PATJ: variants seen among roughly 807,000 people sequenced by gnomAD.
PATJ encodes the protein inaD-like protein.
In PATJ, 190 loss-of-function variants were observed where a neutral mutation model predicts 224.9. The ratio of observed to expected loss-of-function variants is 0.84; its 90% CI spans 0.75 to 0.95. PATJ has a LOEUF of 0.95. Among genes scored for constraint, PATJ ranks in the 40% least tolerant of loss-of-function variants. PATJ has a pLI of 0.00. For synonymous variants in PATJ, 769 were observed against 820.3 expected (o/e 0.94, Z 1.07); for missense variants, 2,121 against 2,270.3 (o/e 0.93, Z 1.34).
chr1:61,984,963 A>T (rs189678248), intron 27 of PATJ, among the ~76,000 whole-genome samples: 2 of 151,408 alleles, frequency 1.3e-5, no homozygotes, highest in Admixed American at 1.3e-4. Flanking sequence ...ATAGTAATTC[A>T]TTGAATAAGC....
intron 28 of PATJ, among the ~76,000 whole-genome samples, chr1:62,009,132 G>T (rs1471149000): frequency 1.3e-5 from 2 of 152,188 alleles, no homozygotes; most frequent in East Asian, 1.9e-4. Context: ...GGTCATGAAA[G>T]GTGGGGAGCA....
rs148484972 is a variant in PATJ at position 61,875,320 on chromosome 1, C to T, written c.2913C>T (p.Asp971=). The T allele has an allele frequency of 2.5e-5, 41 of 1,610,834 alleles. No individual in the cohort carries two copies. The highest frequency in any genetic ancestry group is 1.2e-4 in the African/African-American group (9 of 74,796). The change falls in exon 21 of 44, where the codon GAC becomes GAT. Residue 971 remains aspartate (D), a synonymous_variant. Transcript: ENST00000642238. ...GAAACAGTCAACAAGGCAGATTTGA[C>T]GACCTGGAAAATCTTAATTCATTAG... ...TEGNSQQGRF[D]DLENLNSLAK...
chr1:61,960,883 T>G (rs891473646), intron 27 of PATJ, among the ~76,000 whole-genome samples: 1 of 152,142 alleles, frequency 6.6e-6, no homozygotes, highest in African/African-American at 2.4e-5. Context: ...TCTAGACAGT[T>G]ATATCTTCTT....
intron 33 of PATJ, among the ~76,000 whole-genome samples, chr1:62,103,317 A>G (rs1480629087): frequency 1.4e-4 from 21 of 152,214 alleles, no homozygotes; most frequent in Admixed American, 1.4e-3. Flanking sequence ...AACCCTTATG[A>G]GCTTTCGTTT....
At chr1:61,817,458 G>A (rs570934013) in intron 14 of PATJ, among the ~76,000 whole-genome samples, 1 of 152,254 alleles carries the variant, frequency 6.6e-6, no homozygotes, top group South Asian at 2.1e-4. Flanking sequence ...GAGGTCAGGG[G>A]TTCAAGACCA....
intron 29 of PATJ, among the ~76,000 whole-genome samples, chr1:62,034,421 CGA>C (rs892019590): frequency 2.5e-5 from 3 of 121,322 alleles, no homozygotes; most frequent in Non-Finnish European, 3.2e-5. Flanking sequence ...CCAGCCTGGG[CGA>C]GAGAGAGAGA....
intron 3 of PATJ, 67 bp from the exon 4 acceptor site, chr1:61,766,212 T>A (rs2148322568): frequency 9.1e-7 from 1 of 1,101,192 alleles, no homozygotes; most frequent in South Asian, 1.5e-5. Flanking sequence ...ATGGTCAAAA[T>A]ATATTTAATA....
chr1:61,794,326 T>C (rs1386397772), intron 9 of PATJ, among the ~76,000 whole-genome samples: 1 of 151,714 alleles, frequency 6.6e-6, no homozygotes, highest in Non-Finnish European at 1.5e-5. Context: ...TTAAATTTTT[T>C]GTGAGATGAC....
chr1:62,009,313 G>A (rs77666607), intron 28 of PATJ, among the ~76,000 whole-genome samples: 1 of 152,160 alleles, frequency 6.6e-6, no homozygotes, highest in Admixed American at 6.5e-5. Context: ...ATCAGAATAA[G>A]TGAGTCATGT....
chr1:61,827,612 T>C (rs1470872978), intron 16 of PATJ, 29 bp downstream of exon 16: 2 of 1,598,098 alleles, frequency 1.3e-6, no homozygotes, highest in South Asian at 1.1e-5. Flanking sequence ...GCATTTCCCA[T>C]AGGCATGCCC....
intron 28 of PATJ, among the ~76,000 whole-genome samples, chr1:62,014,587 C>G (rs7535772): frequency 0.021 from 1,484 of 69,902 alleles, 30 homozygotes; most frequent in African/African-American, 0.087. Context: ...TTTTTTTTGA[C>G]ACAGGGTCTC....
chr1:61,797,107 T>A (rs571442286), intron 10 of PATJ, among the ~76,000 whole-genome samples, 180 bp from the exon 11 acceptor site: 1 of 152,222 alleles, frequency 6.6e-6, no homozygotes, highest in East Asian at 1.9e-4. Context: ...CCTCAGGTGA[T>A]CCATGATCCA....
chr1:61,952,356 T>A lies in PATJ; in HGVS notation c.3670+24527T>A, dbSNP rs765677185. On this transcript the variant is annotated intron_variant, in intron 27 of 43. Coordinates refer to ENST00000642238, the MANE Select transcript of PATJ (RefSeq NM_001350145.3). ...AGCTGCGTCCAGCATTGGATATTTG[T>A]CAGGAATGCAGATACCCTGAAGGGA... The A allele has an allele frequency of 3.3e-4, 239 of 713,996 alleles. 1 individual carries two copies. The highest frequency in any genetic ancestry group is 5.6e-4 in the Non-Finnish European group (215 of 382,776). The allele number at this position is 713,996 out of a possible 1,614,324, so 44.2% of individuals were successfully genotyped here.
chr1:62,084,613 G>C lies in PATJ; in HGVS notation c.4342G>C (p.Gly1448Arg). The change falls in exon 33 of 44, where the codon GGT (glycine) becomes CGT (arginine). Residue 1448 changes from glycine (G) to arginine (R), a missense_variant. Coordinates refer to ENST00000642238, the MANE Select transcript of PATJ (RefSeq NM_001350145.3). ...IEISKGRSGL[G>R]LSIVGGKDTP... ...AATATCCAAGGGACGTTCAGGGCTTGGTCTCAGCATTGTGGGAGGAAAAGA... is the reference window on the plus strand; with the variant it reads ...AATATCCAAGGGACGTTCAGGGCTTCGTCTCAGCATTGTGGGAGGAAAAGA... 1 of 1,613,196 alleles carries C rather than the reference G, an allele frequency of 6.2e-7. No individual in the cohort carries two copies. Among genetic ancestry groups the C allele is most frequent in the South Asian group, 1.1e-5 (1 of 90,708 alleles).
intron 27 of PATJ, among the ~76,000 whole-genome samples, chr1:61,946,313 C>T (rs1400352622): frequency 3.9e-5 from 6 of 151,922 alleles, no homozygotes; most frequent in Admixed American, 3.9e-4. Context: ...AATTGATAGA[C>T]CACTAGCAAG....
intron 33 of PATJ, among the ~76,000 whole-genome samples, chr1:62,090,164 C>G (rs1002478036): frequency 6.6e-6 from 1 of 152,072 alleles, no homozygotes; most frequent in Non-Finnish European, 1.5e-5. Context: ...TTTAAAATGC[C>G]GAGGTAATGA....
At chr1:62,081,210 C>T (rs1659237581) in intron 32 of PATJ, among the ~76,000 whole-genome samples, 1 of 152,120 alleles carries the variant, frequency 6.6e-6, no homozygotes, top group Non-Finnish European at 1.5e-5. Flanking sequence ...CATATTTATA[C>T]TTAGATGACA....
intron 38 of PATJ, among the ~76,000 whole-genome samples, chr1:62,122,548 G>A (rs1331443109): frequency 6.6e-6 from 1 of 151,982 alleles, no homozygotes; most frequent in Non-Finnish European, 1.5e-5. Context: ...CAGCAGGCCG[G>A]GCACGGTGGC....
At chr1:62,124,921 ATTCAGCCTG>A (rs1665512230) in intron 39 of PATJ, among the ~76,000 whole-genome samples, 2 of 152,092 alleles carry the variant, frequency 1.3e-5, no homozygotes, top group African/African-American at 4.8e-5. Flanking sequence ...GGGGGACCCA[ATTCAGCCTG>A]TACATTAGCT....
Sources: gnomAD v4.1 joint callset for allele counts (sites outside exome capture counted in the v4.1 genomes callset) on GRCh38, gnomAD v4.1.1 for gene constraint, MANE v1.5 for transcripts, NCBI Gene and HGNC (gene_info 2026-07-23, HGNC 2026-07-21) for gene names.